NAV1: variants seen among roughly 807,000 people sequenced by gnomAD.
The protein encoded by NAV1 is pore membrane and/or filament interacting like protein 3.
Under a neutral mutation model 175.2 loss-of-function variants are expected in NAV1, and 18 were observed. The ratio of observed to expected loss-of-function variants is 0.10; its 90% CI spans 0.07 to 0.15. The LOEUF (loss-of-function observed/expected upper bound fraction) is 0.15. NAV1 is among the 10% of genes least tolerant of loss of function. The pLI, the probability that NAV1 is intolerant of heterozygous loss-of-function variation, is 1.00. For synonymous variants in NAV1, 897 were observed against 978.7 expected, an observed-to-expected ratio of 0.92 and a Z score of 1.56; for missense variants, 1,731 against 2,436.6, an observed-to-expected ratio of 0.71 and a Z score of 6.10.
chr1:201,728,341 C>G (rs1352765821), intron 3 of NAV1, among the ~76,000 whole-genome samples: 2 of 152,018 alleles, frequency 1.3e-5, no homozygotes, highest in Non-Finnish European at 2.9e-5. Context: ...CCTGTAATCC[C>G]AGCACTTTGG....
chr1:201,786,817 G>T (rs539408190), intron 9 of NAV1, among the ~76,000 whole-genome samples: 10 of 152,316 alleles, frequency 6.6e-5, no homozygotes, highest in African/African-American at 2.4e-4. Flanking sequence ...CAGAGAGCCT[G>T]AATGGTGGCA....
chr1:201,793,986 A>G, intron 14 of NAV1, 111 bp downstream of exon 18: 2 of 867,268 alleles, frequency 2.3e-6, no homozygotes, highest in Non-Finnish European at 3.7e-6. Flanking sequence ...GTTTCTCCCC[A>G]CCTCACTGTC....
rs929620520 is a variant in NAV1 at position 201,813,973 on chromosome 1, C to T, written c.5340+715C>T. Among the ~76,000 whole-genome samples, 3 of 152,156 alleles carry T rather than the reference C, an allele frequency of 2.0e-5. No individual in the cohort carries two copies. The highest frequency in any genetic ancestry group is 4.8e-5 in the African/African-American group (2 of 41,434). ...TTGGAAGGCTGAGGCAGGAGAATGG[C>T]GTGAACTCGGGAGGCAAGAGCTTGC... On this transcript the variant is annotated intron_variant, in intron 28 of 29. Transcript: ENST00000367296. The surrounding 1 kb of genome is among the most constrained non-coding windows in gnomAD (Gnocchi z 4.2).
At chr1:201,802,279 TGC>T (rs1677952203) in intron 15 of NAV1, among the ~76,000 whole-genome samples, 1 of 118,154 alleles carries the variant, frequency 8.5e-6, no homozygotes, top group Non-Finnish European at 1.7e-5. Flanking sequence ...CACTCTAGCC[TGC>T]GCAAGAAGAG....
chr1:201,570,965 C>T (rs1024747091), intron 1 of NAV1, among the ~76,000 whole-genome samples: 4 of 152,256 alleles, frequency 2.6e-5, no homozygotes, highest in Admixed American at 1.3e-4. Flanking sequence ...TGAGCTTCAT[C>T]GAATCTCAGC....
chr1:201,772,137 G>A (rs1001247234), intron 3 of NAV1, among the ~76,000 whole-genome samples: 4 of 152,210 alleles, frequency 2.6e-5, no homozygotes, highest in Non-Finnish European at 5.9e-5. Flanking sequence ...GAAAAGATGT[G>A]TGGACATAAC....
Position 201,781,337 on chromosome 1 carries a change from G to A in NAV1, c.1663+28G>A, listed in dbSNP as rs112753037. Reference sequence around the variant, plus strand: ...GAGCCTGGAATAAAGGAAGGTACAAGGGCAAAGACCTAGTTCTTTGGTTGC... The same window carrying A: ...GAGCCTGGAATAAAGGAAGGTACAAAGGCAAAGACCTAGTTCTTTGGTTGC... On this transcript the variant is annotated intron_variant, in intron 5 of 29. Coordinates refer to ENST00000367296, the Ensembl canonical transcript of NAV1. The A allele has an allele frequency of 1.9e-5, 29 of 1,564,702 alleles. No individual in the cohort carries two copies. The African/African-American group carries it at 1.9e-4, about 10-fold the overall frequency.
chr1:201,683,745 G>C (rs1364972126), intron 1 of NAV1, among the ~76,000 whole-genome samples: 7 of 152,116 alleles, frequency 4.6e-5, no homozygotes, highest in Admixed American at 4.6e-4. Context: ...TCGCTAAGGT[G>C]GTGTTCATTG....
At chr1:201,774,861 A>T (rs776319134) in intron 3 of NAV1, among the ~76,000 whole-genome samples, 4 of 152,228 alleles carry the variant, frequency 2.6e-5, no homozygotes, top group Non-Finnish European at 2.9e-5. Context: ...TAGGAGAAGA[A>T]AGAGATAATA....
chr1:201,598,288 A>G (rs1667413326), intron 2 of NAV1, among the ~76,000 whole-genome samples: 1 of 152,252 alleles, frequency 6.6e-6, no homozygotes, highest in African/African-American at 2.4e-5. Flanking sequence ...TAAACTATTC[A>G]GTAAAACTTG....
intron 1 of NAV1, among the ~76,000 whole-genome samples, chr1:201,668,625 C>T (rs908973281): frequency 4.6e-5 from 7 of 152,078 alleles, no homozygotes; most frequent in Admixed American, 2.0e-4. Flanking sequence ...GGGCGTGGGT[C>T]GATGCAGCCC....
chr1:201,783,286 TA>T, intron 6 of NAV1, 119 bp from the exon 11 acceptor site: 1 of 1,022,178 alleles, frequency 9.8e-7, no homozygotes, highest in Non-Finnish European at 1.4e-6. Flanking sequence ...AGCATTAGGA[TA>T]AGCCTCTGTG....
exon 30 of NAV1, chr1:201,820,860 C>T (rs768534598): frequency 2.0e-5 from 3 of 150,134 alleles, no homozygotes; most frequent in African/African-American, 4.9e-5. Context: ...CACATGTCCA[C>T]GAGATGCTTG....
chr1:201,547,491 G>A (rs1665706293), intron 1 of NAV1, among the ~76,000 whole-genome samples: 1 of 152,140 alleles, frequency 6.6e-6, no homozygotes, highest in Admixed American at 6.5e-5. Context: ...CAGCAAAAGG[G>A]AAATAAGGTC....
At chr1:201,616,602 C>T (rs1668008615) in intron 2 of NAV1, among the ~76,000 whole-genome samples, 1 of 152,190 alleles carries the variant, frequency 6.6e-6, no homozygotes, top group Non-Finnish European at 1.5e-5. Context: ...ATTCTCCTGC[C>T]TCAGCCTCCT....
Position 201,648,319 on chromosome 1 carries a change from G to A in NAV1, c.-350G>A, listed in dbSNP as rs139955819. 9.3e-4 allele frequency: 1,081 copies of A among 1,157,922 alleles called. 9 individuals are homozygous for A. In the African/African-American group the frequency reaches 0.015, roughly 16 times the overall value. 71.7% of individuals were successfully genotyped at this position (1,157,922 alleles called of 1,614,324 possible). A position where few individuals can be genotyped will look rare whatever the true frequency, so the allele number is the denominator to read the frequency against. ...CAAAGCAAAAGCACCGCTGGGCGCC[G>A]GAGGAGCCGCGGGGCTTCCATCCTT... On this transcript the variant is annotated 5_prime_UTR_variant, in exon 1 of 30. Coordinates refer to ENST00000367296, the Ensembl canonical transcript of NAV1.
At chr1:201,736,471 A>G (rs996938224) in intron 3 of NAV1, among the ~76,000 whole-genome samples, 2 of 152,140 alleles carry the variant, frequency 1.3e-5, no homozygotes. Context: ...AGCCTCCCAT[A>G]AACTATCTTT....
At chr1:201,716,941 C>G (rs946416684) in intron 2 of NAV1, among the ~76,000 whole-genome samples, 1 of 152,242 alleles carries the variant, frequency 6.6e-6, no homozygotes, top group Middle Eastern at 3.4e-3. Context: ...GGCATGGACA[C>G]GGTCAGGAAG....
At chr1:201,745,830 GTATT>G (rs201425841) in intron 3 of NAV1, among the ~76,000 whole-genome samples, 1 of 152,026 alleles carries the variant, frequency 6.6e-6, no homozygotes, top group Non-Finnish European at 1.5e-5. Context: ...TAATTTTATT[GTATT>G]TATTTATTTA....
Sources: gnomAD v4.1 joint callset for allele counts (sites outside exome capture counted in the v4.1 genomes callset) on GRCh38, gnomAD v4.1.1 for gene constraint, Gnocchi (gnomAD v3.1) non-coding constraint, MANE v1.5 for transcripts, NCBI Gene and HGNC (gene_info 2026-07-23, HGNC 2026-07-21) for gene names.